Variants in WWOX observed in about 807,000 individuals in gnomAD.
The protein encoded by WWOX is WW domain containing oxidoreductase.
Under a neutral mutation model 46.2 loss-of-function variants are expected in WWOX, and 69 were observed. The ratio of observed to expected loss-of-function variants is 1.49; its 90% confidence interval spans 1.23 to 1.82. The LOEUF (loss-of-function observed/expected upper bound fraction) is 1.82, where lower values mean the gene tolerates loss of function less well. WWOX is among the 40% of genes most tolerant of loss of function. The pLI, the probability that WWOX is intolerant of heterozygous loss-of-function variation, is 0.00. For synonymous variants in WWOX, 359 were observed against 202.6 expected (o/e 1.77, Z -6.56); for missense variants, 919 against 542.6 (o/e 1.69, Z -6.89).
At chr16:78,605,962 T>C (rs2045746778) in intron 8 of WWOX, among the ~76,000 whole-genome samples, 3 of 152,350 alleles carry the variant, frequency 2.0e-5, no homozygotes, top group Middle Eastern at 3.4e-3. Context: ...AGCATCTGAA[T>C]TGAATGGGCA....
At chr16:78,422,343 G>T (rs761280109) in intron 6 of WWOX, among the ~76,000 whole-genome samples, 1 of 150,086 alleles carries the variant, frequency 6.7e-6, no homozygotes, top group African/African-American at 2.5e-5. Context: ...CTTAGGCTGC[G>T]ATGTGAAAAG....
Position 79,211,721 on chromosome 16 carries a change from C to A in WWOX, c.1170C>A (p.Ser390Arg), listed in dbSNP as rs372635911. The change falls in exon 9 of 9, where the codon AGC becomes AGA. Residue 390 changes from serine (S) to arginine (R), a missense_variant. Transcript: ENST00000566780. ...CRCMPSPEAQSEETARTLWAL... is the reference protein window; with the variant it reads ...CRCMPSPEAQREETARTLWAL... ...GCATGCCCTCACCAGAAGCTCAGAG[C>A]GAAGAGACGGCCCGGACCCTGTGGG... is the stretch of plus-strand genomic sequence containing the variant. 5 of 1,614,186 alleles carry A rather than the reference C, an allele frequency of 3.1e-6. No homozygotes were observed. Among genetic ancestry groups the A allele is most frequent in the Non-Finnish European group, 4.2e-6 (5 of 1,180,026 alleles).
intron 8 of WWOX, among the ~76,000 whole-genome samples, chr16:78,691,624 T>G (rs1418367429): frequency 6.6e-6 from 1 of 152,120 alleles, no homozygotes; most frequent in Non-Finnish European, 1.5e-5. Context: ...AAGGAAATTG[T>G]TTGAGCCTAG....
chr16:78,262,046 T>C (rs1479467585), intron 5 of WWOX, among the ~76,000 whole-genome samples: 1 of 133,852 alleles, frequency 7.5e-6, no homozygotes, highest in Non-Finnish European at 1.5e-5. Flanking sequence ...GTTGAGAGCA[T>C]GCCATTGCGC....
intron 8 of WWOX, chr16:78,551,550 G>A (rs2044172423): frequency 6.6e-6 from 1 of 152,182 alleles, no homozygotes; most frequent in African/African-American, 2.4e-5. Flanking sequence ...GAATAGCCTA[G>A]ACCTAAAGGA....
chr16:79,090,266 G>T (rs972420442), intron 8 of WWOX, among the ~76,000 whole-genome samples: 11 of 146,970 alleles, frequency 7.5e-5, no homozygotes, highest in African/African-American at 2.3e-4. Context: ...CATCCTGACA[G>T]ATTCTACTGT....
At chr16:78,621,590 A>ATTTTTTTTTT (rs1567442936) in intron 8 of WWOX, among the ~76,000 whole-genome samples, 1 of 43,000 alleles carries the variant, frequency 2.3e-5, no homozygotes, top group African/African-American at 9.0e-5. Flanking sequence ...TGTTGTTCTA[A>ATTTTTTTTTT]TCTTTTTTTT....
At chr16:78,799,362 G>T (rs887186512) in intron 8 of WWOX, among the ~76,000 whole-genome samples, 1 of 152,090 alleles carries the variant, frequency 6.6e-6, no homozygotes, top group Non-Finnish European at 1.5e-5. Context: ...TGTCCATCTG[G>T]GTTAGCAAAC....
At chr16:79,046,348 G>T (rs145166578) in intron 8 of WWOX, among the ~76,000 whole-genome samples, 2 of 152,238 alleles carry the variant, frequency 1.3e-5, no homozygotes, top group African/African-American at 4.8e-5. Flanking sequence ...ATTCTCTCTG[G>T]TTCTTCCTTT....
At chr16:78,721,398 A>G (rs16948362) in intron 8 of WWOX, among the ~76,000 whole-genome samples, 4,045 of 152,264 alleles carry the variant, frequency 0.027, 180 homozygotes, top group African/African-American at 0.092. Context: ...AGTGACAACA[A>G]TTATTCTTAT....
chr16:78,412,782 G>C lies in WWOX; in HGVS notation c.606-12088G>C, dbSNP rs73571065. Among the ~76,000 whole-genome samples, 1,483 of 152,300 alleles carry C rather than the reference G, an allele frequency of 9.7e-3. 20 individuals carry two copies. Among genetic ancestry groups the C allele is most frequent in the African/African-American group, 0.032 (1,347 of 41,558 alleles). On this transcript the variant is annotated intron_variant, in intron 6 of 8. Transcript: ENST00000566780. ...ATGGTGATAGAATGGAATTCATTCAGCTGATGATGAGAAGTAGATTTGGGT... is the reference window on the plus strand; with the variant it reads ...ATGGTGATAGAATGGAATTCATTCACCTGATGATGAGAAGTAGATTTGGGT...
At chr16:79,167,641 C>G (rs540432279) in intron 8 of WWOX, among the ~76,000 whole-genome samples, 1 of 152,304 alleles carries the variant, frequency 6.6e-6, no homozygotes, top group East Asian at 1.9e-4. Context: ...CAAGGTTATC[C>G]AAGTCAAATA....
chr16:78,209,987 C>T (rs949605764), intron 5 of WWOX, among the ~76,000 whole-genome samples: 2 of 151,552 alleles, frequency 1.3e-5, no homozygotes, highest in Non-Finnish European at 2.9e-5. Flanking sequence ...TCTTAAACAG[C>T]AGAATGTTAT....
rs533909053 is a variant in WWOX, at chr16:79,050,384, C to G, written c.1057-161224C>G. ...TCTTCCTGGGACCAGCAGGGCTAGA[C>G]CAGACATGACTTTCTTATGGCAAGG... On this transcript the variant is annotated intron_variant, in intron 8 of 8. Coordinates refer to ENST00000566780, the MANE Select transcript of WWOX (RefSeq NM_016373.4). 2.0e-5 allele frequency among the ~76,000 whole-genome samples: 3 copies of G among 152,308 alleles called. No individual in the cohort carries two copies. The East Asian group carries it at 5.8e-4, about 29-fold the overall frequency.
At position 78,422,684 on chromosome 16, in the gene WWOX, T is replaced by TATATATATATATATAC. The variant is rs1263877025; in HGVS notation, c.606-2185_606-2184insTATATATATATATACA. Among the ~76,000 whole-genome samples the TATATATATATATATAC allele has an allele frequency of 5.5e-4, 29 of 52,968 alleles. 1 individual carries two copies. The highest frequency in any genetic ancestry group is 8.7e-4 in the African/African-American group (8 of 9,204). 34.7% of individuals were successfully genotyped at this position (52,968 alleles called of 152,430 possible). A position where few individuals can be genotyped will look rare whatever the true frequency, so the allele number is the denominator to read the frequency against. ...ACATGTATATATATATATATATATA[T>TATATATATATATATAC]ACACACACACACACACATATATATA... On this transcript the variant is annotated intron_variant, in intron 6 of 8. Coordinates refer to ENST00000566780, the MANE Select transcript of WWOX (RefSeq NM_016373.4).
intron 8 of WWOX, among the ~76,000 whole-genome samples, chr16:78,941,096 T>C (rs897762806): frequency 6.6e-6 from 1 of 152,116 alleles, no homozygotes; most frequent in Non-Finnish European, 1.5e-5. Flanking sequence ...GCCTCACATC[T>C]TGCAAAGAAT....
intron 5 of WWOX, among the ~76,000 whole-genome samples, chr16:78,385,246 A>T (rs2082038829): frequency 6.6e-6 from 1 of 151,980 alleles, no homozygotes; most frequent in Non-Finnish European, 1.5e-5. Flanking sequence ...GCCTTCAGGG[A>T]GGATCTTTGG....
chr16:79,151,550 T>C (rs748916500), intron 8 of WWOX, among the ~76,000 whole-genome samples: 1 of 152,196 alleles, frequency 6.6e-6, no homozygotes, highest in Non-Finnish European at 1.5e-5. Flanking sequence ...GCTCCAATTA[T>C]GTTGTGATTT....
At chr16:79,127,635 A>C (rs11150137) in intron 8 of WWOX, among the ~76,000 whole-genome samples, 46,796 of 152,038 alleles carry the variant, frequency 0.31, 7,926 homozygotes, top group African/African-American at 0.44. Flanking sequence ...TCTTAGAAAT[A>C]GCAGCATCGG....
Sources: allele counts gnomAD v4.1 joint callset (sites outside exome capture counted in the v4.1 genomes callset), GRCh38; gene constraint gnomAD v4.1.1; transcripts MANE v1.5; gene names NCBI Gene and HGNC (gene_info 2026-07-23, HGNC 2026-07-21).